SNRPD1: variants seen among roughly 807,000 people sequenced by gnomAD.
The protein encoded by SNRPD1 is small nuclear ribonucleoprotein Sm D1.
SNRPD1 carries 1 observed loss-of-function variant against 14.4 expected under a neutral mutation model. The observed-to-expected ratio is 0.07, with a 90% CI of 0.02 to 0.33. The LOEUF is 0.33. SNRPD1 is among the 10% of genes least tolerant of loss of function. SNRPD1 has a pLI of 1.00. For synonymous variants in SNRPD1, 42 were observed against 50.3 expected (o/e 0.83, Z 0.70); for missense variants, 52 against 146.4 (o/e 0.36, Z 3.33).
intron 1 of SNRPD1, among the ~76,000 whole-genome samples, chr18:21,622,301 A>G (rs1458395521): frequency 6.6e-6 from 1 of 151,756 alleles, no homozygotes; most frequent in Non-Finnish European, 1.5e-5. Flanking sequence ...CACCATGCCC[A>G]GCTAATTTTT....
In SNRPD1 at chr18:21,629,465, CAGGT is replaced by C; in HGVS notation, c.*330_*333del. 4.6e-6 allele frequency: 1 copy of C among 215,744 alleles called. No homozygotes were observed. Among genetic ancestry groups the C allele is most frequent in the East Asian group, 1.1e-4 (1 of 9,318 alleles). The allele number at this position is 215,744 out of a possible 1,614,324, so 13.4% of individuals were successfully genotyped here. On this transcript the variant is annotated 3_prime_UTR_variant, in exon 4 of 4. Coordinates refer to ENST00000300413, the MANE Select transcript of SNRPD1 (RefSeq NM_006938.4). ...ATTGAGCAAAGGACAATTCACAAATCAGGTAGCCCCTGAACCATAATAGGCTCAG... is the reference window on the plus strand; with the variant it reads ...ATTGAGCAAAGGACAATTCACAAATCAGCCCCTGAACCATAATAGGCTCAG...
At chr18:21,622,578 A>G (rs2039006403) in intron 1 of SNRPD1, 147 bp from the exon 2 acceptor site, 2 of 585,136 alleles carry the variant, frequency 3.4e-6, no homozygotes, top group South Asian at 4.7e-5. Context: ...TAATTCAGGA[A>G]AGCTGAAATT....
At position 21,622,705 on chromosome 18, in the gene SNRPD1, G is replaced by T. The variant is rs755898083; in HGVS notation, c.15-20G>T. 1.7e-6 allele frequency: 2 copies of T among 1,172,748 alleles called. No individual in the cohort carries two copies. Among genetic ancestry groups the T allele is most frequent in the East Asian group, 4.7e-5 (2 of 42,676 alleles). The allele number at this position is 1,172,748 out of a possible 1,614,324, so 72.6% of individuals were successfully genotyped here. On this transcript the variant is annotated intron_variant, in intron 1 of 3. Coordinates refer to ENST00000300413, the MANE Select transcript of SNRPD1 (RefSeq NM_006938.4). ...ATTTTAAAGTGTTACAGGTAAAAAT[G>T]GTTTTATTCCTATTTATAGATTTTT...
Position 21,612,424 on chromosome 18 carries a change from G to A in SNRPD1, c.-6G>A. 6.4e-7 allele frequency: 1 copy of A among 1,554,246 alleles called. No individual in the cohort carries two copies. Among genetic ancestry groups the A allele is most frequent in the Non-Finnish European group, 8.8e-7 (1 of 1,142,736 alleles). On this transcript the variant is annotated 5_prime_UTR_variant, in exon 1 of 4. Coordinates refer to ENST00000300413, the MANE Select transcript of SNRPD1 (RefSeq NM_006938.4). ...GTCGGACCCAGAGGGTGACGGCGCCGCTAGGATGAAGCTCGTGAGGTGAGG... is the reference window on the plus strand; with the variant it reads ...GTCGGACCCAGAGGGTGACGGCGCCACTAGGATGAAGCTCGTGAGGTGAGG...
intron 1 of SNRPD1, among the ~76,000 whole-genome samples, chr18:21,621,184 A>C (rs553454646): frequency 6.6e-6 from 1 of 151,900 alleles, no homozygotes; most frequent in Non-Finnish European, 1.5e-5. Context: ...AAAAGATAAG[A>C]TATTCAATCT....
At chr18:21,617,911 G>T (rs895998908) in intron 1 of SNRPD1, among the ~76,000 whole-genome samples, 4 of 152,120 alleles carry the variant, frequency 2.6e-5, no homozygotes, top group African/African-American at 9.7e-5. Flanking sequence ...CCCGGGAGAC[G>T]GAGGTTGCAA....
At chr18:21,620,600 T>G (rs893922754) in intron 1 of SNRPD1, among the ~76,000 whole-genome samples, 11 of 152,150 alleles carry the variant, frequency 7.2e-5, no homozygotes, top group African/African-American at 1.9e-4. Context: ...CCAAGTAGAT[T>G]AGAACTCTAA....
At position 21,623,975 on chromosome 18, in the gene SNRPD1, C is replaced by T. The variant is rs757980018; in HGVS notation, c.283+36C>T. ...AGGATTATAAACATTTTTGTGAATGCTAATCCTAATCCACACTATTCATAA... is the reference window on the plus strand; with the variant it reads ...AGGATTATAAACATTTTTGTGAATGTTAATCCTAATCCACACTATTCATAA... On this transcript the variant is annotated intron_variant, in intron 3 of 3. Transcript: ENST00000300413. The T allele has an allele frequency of 3.8e-5, 45 of 1,187,986 alleles. 1 individual carries two copies. The South Asian group carries it at 5.7e-4, about 15-fold the overall frequency. The allele number at this position is 1,187,986 out of a possible 1,614,324, so 73.6% of individuals were successfully genotyped here.
At chr18:21,615,482 G>C (rs1008909051) in intron 1 of SNRPD1, among the ~76,000 whole-genome samples, 1 of 152,090 alleles carries the variant, frequency 6.6e-6, no homozygotes, top group African/African-American at 2.4e-5. Context: ...GCTGGGCATG[G>C]TGGCAGGTGC....
intron 3 of SNRPD1, among the ~76,000 whole-genome samples, chr18:21,627,278 T>C (rs1010226412): frequency 4.6e-5 from 7 of 151,880 alleles, no homozygotes; most frequent in African/African-American, 1.7e-4. Context: ...TGGCTAATTT[T>C]TTATTTTTTA....
chr18:21,627,024 C>T (rs892175671), intron 3 of SNRPD1, among the ~76,000 whole-genome samples: 1 of 148,000 alleles, frequency 6.8e-6, no homozygotes, highest in Admixed American at 6.8e-5. Flanking sequence ...CGCGGTGGCT[C>T]ACGCCTGTAA....
At chr18:21,617,464 G>A (rs74546622) in intron 1 of SNRPD1, among the ~76,000 whole-genome samples, 3,478 of 152,190 alleles carry the variant, frequency 0.023, 144 homozygotes, top group African/African-American at 0.08. Flanking sequence ...ACTTGTATAT[G>A]TACTGCTCTA....
In SNRPD1 at chr18:21,613,553, A is replaced by T. The variant is rs144873417; in HGVS notation, c.14+1110A>T. On this transcript the variant is annotated intron_variant, in intron 1 of 3. Transcript: ENST00000300413. ...TGAAACGTTTTAAATAACACATAAAAGCCTTCAACACTCAGGGAGGAGGCC... is the reference window on the plus strand; with the variant it reads ...TGAAACGTTTTAAATAACACATAAATGCCTTCAACACTCAGGGAGGAGGCC... Among the ~76,000 whole-genome samples, 382 of 152,252 alleles carry T rather than the reference A, an allele frequency of 2.5e-3. 2 individuals are homozygous for T. Among genetic ancestry groups the T allele is most frequent in the Non-Finnish European group, 4.8e-3 (324 of 68,014 alleles).
intron 3 of SNRPD1, among the ~76,000 whole-genome samples, chr18:21,624,442 A>G (rs898827475): frequency 2.6e-5 from 4 of 151,538 alleles, no homozygotes; most frequent in Non-Finnish European, 4.4e-5. Context: ...CTGTAATCCC[A>G]GCACTTTGGG....
intron 3 of SNRPD1, among the ~76,000 whole-genome samples, chr18:21,625,870 A>G (rs985005994): frequency 6.6e-6 from 1 of 152,054 alleles, no homozygotes; most frequent in Non-Finnish European, 1.5e-5. Flanking sequence ...GGGCCTCCCT[A>G]AGTGCTGGGA....
In SNRPD1 at chr18:21,627,982, C is replaced by T. The variant is rs548779239; in HGVS notation, c.284-1080C>T. Reference sequence around the variant, plus strand: ...CAGTTTTCCTTTTGTGACCTTGATACTTTGTAAGAGTACGGGCCAGTTATT... The same window carrying T: ...CAGTTTTCCTTTTGTGACCTTGATATTTTGTAAGAGTACGGGCCAGTTATT... On this transcript the variant is annotated intron_variant, in intron 3 of 3. Coordinates refer to ENST00000300413, the MANE Select transcript of SNRPD1 (RefSeq NM_006938.4). 3.9e-5 allele frequency among the ~76,000 whole-genome samples: 6 copies of T among 152,248 alleles called. No individual in the cohort carries two copies. The East Asian group carries it at 7.7e-4, about 20-fold the overall frequency.
At position 21,630,485 on chromosome 18, in the gene SNRPD1, G is replaced by A. The variant is rs1232190782; in HGVS notation, c.*1347G>A. The stretch of plus-strand genomic sequence containing the variant: ...CGTTACCTTAAAAAAGTTTAGCCTG[G>A]GTGTGGTGGCTCACGCCTGTAATCC... On this transcript the variant is annotated 3_prime_UTR_variant, in exon 4 of 4. Coordinates refer to ENST00000300413, the MANE Select transcript of SNRPD1 (RefSeq NM_006938.4). The A allele has an allele frequency of 6.6e-6, 1 of 151,906 alleles. No individual in the cohort carries two copies. The highest frequency in any genetic ancestry group is 2.4e-5 in the African/African-American group (1 of 41,364). 9.4% of individuals were successfully genotyped at this position (151,906 alleles called of 1,614,324 possible). A position where few individuals can be genotyped will look rare whatever the true frequency, so the allele number is the denominator to read the frequency against.
intron 1 of SNRPD1, among the ~76,000 whole-genome samples, chr18:21,612,976 T>G (rs566922053): frequency 6.6e-6 from 1 of 152,194 alleles, no homozygotes; most frequent in Non-Finnish European, 1.5e-5. Flanking sequence ...GGGCTGAGAT[T>G]ACAGGTTTGA....
intron 1 of SNRPD1, among the ~76,000 whole-genome samples, chr18:21,621,132 C>G (rs1420484332): frequency 6.6e-6 from 1 of 151,870 alleles, no homozygotes; most frequent in East Asian, 1.9e-4. Context: ...TGTGCCACTA[C>G]ACTCCAGCCT....
Sources: allele counts gnomAD v4.1 joint callset (sites outside exome capture counted in the v4.1 genomes callset), GRCh38; gene constraint gnomAD v4.1.1; transcripts MANE v1.5; gene names NCBI Gene and HGNC (gene_info 2026-07-23, HGNC 2026-07-21).